CELF2: variants seen among roughly 807,000 people sequenced by gnomAD.
CELF2 encodes the protein CUGBP Elav-like family member 2, also known as CUG triplet repeat RNA-binding protein 2.
In CELF2, 8 loss-of-function variants were observed where a neutral mutation model predicts 62.6. The observed-to-expected ratio is 0.13, with a 90% CI of 0.07 to 0.23. The LOEUF is 0.23. CELF2 is among the 10% of genes least tolerant of loss of function. CELF2 has a pLI of 1.00. For synonymous variants in CELF2, 258 were observed against 250.0 expected (o/e 1.03, Z -0.30); for missense variants, 333 against 671.0 (o/e 0.50, Z 5.56).
chr10:11,127,357 T>C (rs990076243), intron 1 of CELF2, among the ~76,000 whole-genome samples: 2 of 152,204 alleles, frequency 1.3e-5, no homozygotes, highest in Non-Finnish European at 1.5e-5. Flanking sequence ...TAAACATACG[T>C]GTGCATGTGT....
intron 9 of CELF2, among the ~76,000 whole-genome samples, chr10:11,310,646 A>G (rs1338339876): frequency 6.6e-6 from 1 of 151,996 alleles, no homozygotes; most frequent in African/African-American, 2.4e-5. Flanking sequence ...TTAGAATTCA[A>G]ACATGTGCGA....
At chr10:11,024,577 G>A (rs2058835569) in intron 1 of CELF2, among the ~76,000 whole-genome samples, 1 of 152,080 alleles carries the variant, frequency 6.6e-6, no homozygotes, top group Non-Finnish European at 1.5e-5. Flanking sequence ...CTCCAGCCTG[G>A]GCGACAGAGC....
intron 4 of CELF2, among the ~76,000 whole-genome samples, chr10:11,254,855 C>A (rs2078204386): frequency 6.6e-6 from 1 of 152,042 alleles, no homozygotes; most frequent in Non-Finnish European, 1.5e-5. Context: ...AGGAGTCCTG[C>A]TGATTTTTCT....
Position 11,244,388 on chromosome 10 carries a change from T to C in CELF2, c.355-4765T>C, listed in dbSNP as rs1248068913. ...ACTTCCATTGGCCGGGCGTGGTGGC[T>C]CACGCCTATAATCCCAGCACTTTGG... On this transcript the variant is annotated intron_variant, in intron 3 of 12. Transcript: ENST00000633077. The surrounding 1 kb of genome is among the most constrained non-coding windows in gnomAD (Gnocchi z 4.2). Among the ~76,000 whole-genome samples the C allele has an allele frequency of 6.6e-6, 1 of 152,214 alleles. No individual in the cohort carries two copies. The highest frequency in any genetic ancestry group is 1.5e-5 in the Non-Finnish European group (1 of 68,038).
intron 1 of CELF2, among the ~76,000 whole-genome samples, chr10:10,838,144 G>A (rs185182971): frequency 2.8e-4 from 43 of 152,246 alleles, no homozygotes; most frequent in Middle Eastern, 3.4e-3. Context: ...GACCTTGATC[G>A]TTTTGAGCAG....
chr10:11,209,597 A>T (rs2061300514), intron 2 of CELF2, among the ~76,000 whole-genome samples: 1 of 148,780 alleles, frequency 6.7e-6, no homozygotes, highest in African/African-American at 2.5e-5. Context: ...GTTAATGCTA[A>T]GTTTTCTTGA....
intron 1 of CELF2, among the ~76,000 whole-genome samples, chr10:10,825,894 T>C (rs1430492685): frequency 6.6e-6 from 1 of 152,230 alleles, no homozygotes. Context: ...AAAGATCATC[T>C]TCATGAGTGG....
chr10:11,085,699 G>A (rs1408015862), intron 1 of CELF2, among the ~76,000 whole-genome samples: 1 of 152,094 alleles, frequency 6.6e-6, no homozygotes, highest in East Asian at 1.9e-4. Flanking sequence ...GCTTCCCCAA[G>A]ATGGGATCCA....
chr10:11,330,821 T>G lies in CELF2; in HGVS notation c.*1768T>G, dbSNP rs1425123042. 6.6e-6 allele frequency: 1 copy of G among 152,588 alleles called. No individual in the cohort carries two copies. 9.5% of individuals were successfully genotyped at this position (152,588 alleles called of 1,614,324 possible). On this transcript the variant is annotated 3_prime_UTR_variant, in exon 13 of 13. Coordinates refer to ENST00000633077, the MANE Select transcript of CELF2 (RefSeq NM_001326342.2). This position sits in a 1 kb window ranked among gnomAD's most constrained non-coding sequence, Gnocchi z 4.5. ...CATTCTTCCCGGTCACTGGTAACAATAGCAATATGTGTCCAGGGACACAGA... is the reference window on the plus strand; with the variant it reads ...CATTCTTCCCGGTCACTGGTAACAAGAGCAATATGTGTCCAGGGACACAGA...
chr10:11,293,689 G>C (rs2139861569), intron 9 of CELF2, among the ~76,000 whole-genome samples: 1 of 152,294 alleles, frequency 6.6e-6, no homozygotes, highest in South Asian at 2.1e-4. Context: ...TTTGTGTCTT[G>C]CCCTCTAGCC....
intron 1 of CELF2, among the ~76,000 whole-genome samples, chr10:10,915,212 A>G (rs994879579): frequency 2.0e-5 from 3 of 152,172 alleles, no homozygotes; most frequent in Non-Finnish European, 4.4e-5. Flanking sequence ...AACTAAGGAA[A>G]GGAAATTAGT....
chr10:10,989,521 A>G (rs2053195067), intron 2 of CELF2, among the ~76,000 whole-genome samples: 1 of 152,142 alleles, frequency 6.6e-6, no homozygotes, highest in Non-Finnish European at 1.5e-5. Flanking sequence ...ATTATGTTGT[A>G]TCTTCACCTT....
At chr10:11,258,687 G>A (rs562902170) in intron 5 of CELF2, among the ~76,000 whole-genome samples, 27 of 152,288 alleles carry the variant, frequency 1.8e-4, no homozygotes, top group African/African-American at 6.5e-4. Context: ...AGGTGGAAAT[G>A]TATATATAAA....
intron 1 of CELF2, among the ~76,000 whole-genome samples, chr10:10,885,559 A>T (rs1178268779): frequency 6.6e-6 from 1 of 152,052 alleles, no homozygotes; most frequent in Admixed American, 6.6e-5. Context: ...CAGTTTTTTT[A>T]AAAATTACAC....
intron 2 of CELF2, among the ~76,000 whole-genome samples, chr10:11,175,298 C>A (rs551523264): frequency 1.1e-4 from 16 of 152,046 alleles, no homozygotes; most frequent in African/African-American, 3.1e-4. Flanking sequence ...AGGAGGTTAA[C>A]TTAAAAGACC....
At chr10:11,125,330 C>G (rs1750727) in intron 1 of CELF2, among the ~76,000 whole-genome samples, 23,107 of 151,862 alleles carry the variant, frequency 0.15, 3,031 homozygotes, top group East Asian at 0.68. Context: ...CTTTTGAGAG[C>G]TAGGAATCGG....
chr10:10,770,329 CTCAA>C, the CELF2 span, among the ~76,000 whole-genome samples: 12 of 152,070 alleles, frequency 7.9e-5, no homozygotes, highest in South Asian at 4.2e-4. Context: ...GAGACTCCAT[CTCAA>C]TCAATCAATC....
chr10:10,539,581 G>T, the CELF2 span, among the ~76,000 whole-genome samples: 1 of 152,068 alleles, frequency 6.6e-6, no homozygotes, highest in South Asian at 2.1e-4. Flanking sequence ...CTGAACCAGG[G>T]TCCTGTGATA....
intron 1 of CELF2, among the ~76,000 whole-genome samples, chr10:11,036,207 G>T (rs893279490): frequency 6.6e-6 from 1 of 152,262 alleles, no homozygotes; most frequent in East Asian, 1.9e-4. Flanking sequence ...ATAATTTTAG[G>T]ATCATTTCTC....
Sources: allele counts gnomAD v4.1 joint callset (sites outside exome capture counted in the v4.1 genomes callset), GRCh38; gene constraint gnomAD v4.1.1; non-coding constraint Gnocchi (gnomAD v3.1); transcripts MANE v1.5; gene names NCBI Gene and HGNC (gene_info 2026-07-23, HGNC 2026-07-21).